Variants in EXOC6B observed in about 807,000 individuals in gnomAD.
EXOC6B encodes SEC15 homolog B.
In EXOC6B, 54 loss-of-function variants were observed where a neutral mutation model predicts 113.5. That is an observed-to-expected ratio of 0.48 (90% CI 0.38 to 0.60). The LOEUF (loss-of-function observed/expected upper bound fraction) is 0.60, where lower values mean the gene tolerates loss of function less well. Ranked by LOEUF, EXOC6B falls within the 20% of genes least tolerant of loss-of-function variation. The pLI, the probability that EXOC6B is intolerant of heterozygous loss-of-function variation, is 0.00. For synonymous variants in EXOC6B, 357 were observed against 339.0 expected, an observed-to-expected ratio of 1.05 and a Z score of -0.58; for missense variants, 797 against 977.5, an observed-to-expected ratio of 0.82 and a Z score of 2.46.
At chr2:72,379,373 T>C (rs911802325) in intron 19 of EXOC6B, among the ~76,000 whole-genome samples, 13 of 152,242 alleles carry the variant, frequency 8.5e-5, no homozygotes, top group African/African-American at 2.2e-4. Flanking sequence ...TAGCTAGTTT[T>C]TAAATAGAAT....
intron 20 of EXOC6B, among the ~76,000 whole-genome samples, chr2:72,191,926 G>A (rs41402): frequency 3.3e-5 from 5 of 152,020 alleles, no homozygotes; most frequent in African/African-American, 9.7e-5. Context: ...CAAACCATCC[G>A]GGGGGTACTT....
At chr2:72,584,102 G>A (rs1357134308) in intron 6 of EXOC6B, among the ~76,000 whole-genome samples, 1 of 151,798 alleles carries the variant, frequency 6.6e-6, no homozygotes, top group Non-Finnish European at 1.5e-5. Flanking sequence ...TTGCCCACAA[G>A]ACCCTATAAA....
chr2:72,415,546 C>A (rs1462555276), intron 18 of EXOC6B, among the ~76,000 whole-genome samples: 3 of 149,028 alleles, frequency 2.0e-5, no homozygotes, highest in African/African-American at 7.4e-5. Flanking sequence ...AGAGTGTACT[C>A]AATCACAAAC....
chr2:72,194,986 C>T (rs1679083564), intron 20 of EXOC6B, among the ~76,000 whole-genome samples: 2 of 152,198 alleles, frequency 1.3e-5, no homozygotes, highest in Non-Finnish European at 2.9e-5. Flanking sequence ...TGCAGCCCAG[C>T]TCCAGGTGGA....
chr2:72,437,805 C>A (rs931685998), intron 18 of EXOC6B, among the ~76,000 whole-genome samples: 5 of 152,084 alleles, frequency 3.3e-5, no homozygotes. Flanking sequence ...AGATTGTGCT[C>A]TTACATAGGT....
chr2:72,225,407 T>C (rs1397217315), intron 20 of EXOC6B, among the ~76,000 whole-genome samples: 2 of 152,208 alleles, frequency 1.3e-5, no homozygotes, highest in African/African-American at 4.8e-5. Flanking sequence ...ATTTTCATAT[T>C]TCTAGGTGAA....
At chr2:72,626,013 A>G (rs1672028704) in intron 6 of EXOC6B, among the ~76,000 whole-genome samples, 1 of 152,168 alleles carries the variant, frequency 6.6e-6, no homozygotes, top group South Asian at 2.1e-4. Flanking sequence ...TCAGAATTTA[A>G]CAGCAGCCCT....
intron 20 of EXOC6B, among the ~76,000 whole-genome samples, chr2:72,195,662 AG>A (rs1204837479): frequency 6.6e-6 from 1 of 152,206 alleles, no homozygotes; most frequent in Non-Finnish European, 1.5e-5. Context: ...GAGACCACAG[AG>A]TGAAGACAAT....
chr2:72,479,969 A>C (rs1020227733), intron 17 of EXOC6B, among the ~76,000 whole-genome samples: 1 of 152,148 alleles, frequency 6.6e-6, no homozygotes, highest in Non-Finnish European at 1.5e-5. Flanking sequence ...TTGAGAAGCC[A>C]AGGTGGGTGG....
rs150440531 is a variant in EXOC6B, at chr2:72,306,554, A to C, written c.2196+28393T>G. On this transcript the variant is annotated intron_variant, in intron 20 of 21. Transcript: ENST00000272427. ...CTGTTAGATATTTGTAATGTTTCTC[A>C]TATTTCTTTATTAAAAATAGTAACG... Among the ~76,000 whole-genome samples, 741 of 152,314 alleles carry C rather than the reference A, an allele frequency of 4.9e-3. 10 individuals carry two copies. The highest frequency in any genetic ancestry group is 0.016 in the African/African-American group (681 of 41,576).
chr2:72,764,015 G>A lies in EXOC6B; in HGVS notation c.114-22546C>T, dbSNP rs546980469. Among the ~76,000 whole-genome samples the A allele has an allele frequency of 3.9e-5, 6 of 152,172 alleles. 1 individual carries two copies. The highest frequency in any genetic ancestry group is 1.3e-4 in the Admixed American group (2 of 15,294). ...GATCACTTGAGCCCAGGAGGTCAAGGCTCCAGTGAGCTGTGATTGTACCCC... is the reference window on the plus strand; with the variant it reads ...GATCACTTGAGCCCAGGAGGTCAAGACTCCAGTGAGCTGTGATTGTACCCC... On this transcript the variant is annotated intron_variant, in intron 1 of 21. Coordinates refer to ENST00000272427, the MANE Select transcript of EXOC6B (RefSeq NM_015189.3).
intron 16 of EXOC6B, among the ~76,000 whole-genome samples, chr2:72,490,015 A>G (rs1305312427): frequency 6.6e-6 from 1 of 152,188 alleles, no homozygotes; most frequent in Non-Finnish European, 1.5e-5. Context: ...ACATTTGTCT[A>G]TAGGAACTTC....
At chr2:72,223,254 A>G (rs1469778677) in intron 20 of EXOC6B, among the ~76,000 whole-genome samples, 1 of 152,232 alleles carries the variant, frequency 6.6e-6, no homozygotes, top group African/African-American at 2.4e-5. Context: ...AACAAAACAC[A>G]AAGACTCATT....
At chr2:72,186,109 T>C (rs999158327) in intron 20 of EXOC6B, among the ~76,000 whole-genome samples, 1 of 152,210 alleles carries the variant, frequency 6.6e-6, no homozygotes, top group African/African-American at 2.4e-5. Context: ...TATTCCATGG[T>C]GTATATGTGC....
At chr2:72,782,769 A>G (rs545135229) in intron 1 of EXOC6B, among the ~76,000 whole-genome samples, 1 of 152,158 alleles carries the variant, frequency 6.6e-6, no homozygotes, top group African/African-American at 2.4e-5. Context: ...GAGTGACAAC[A>G]TGTGGTATTT....
At chr2:72,604,291 C>A (rs994588116) in intron 6 of EXOC6B, among the ~76,000 whole-genome samples, 1 of 152,104 alleles carries the variant, frequency 6.6e-6, no homozygotes, top group Non-Finnish European at 1.5e-5. Flanking sequence ...AATAAAAAAA[C>A]CCTGTGAGTA....
At chr2:72,618,318 G>A (rs554264528) in intron 6 of EXOC6B, among the ~76,000 whole-genome samples, 20 of 152,126 alleles carry the variant, frequency 1.3e-4, no homozygotes, top group Middle Eastern at 6.8e-3. Context: ...GCAGTAAGCC[G>A]AAATCGCACC....
At chr2:72,443,077 A>G (rs1001842657) in intron 18 of EXOC6B, among the ~76,000 whole-genome samples, 3 of 152,140 alleles carry the variant, frequency 2.0e-5, no homozygotes, top group Non-Finnish European at 2.9e-5. Context: ...CTGTAATCCC[A>G]GCACTTTGGG....
intron 6 of EXOC6B, among the ~76,000 whole-genome samples, chr2:72,664,767 C>T (rs1241240964): frequency 6.6e-6 from 1 of 152,214 alleles, no homozygotes; most frequent in African/African-American, 2.4e-5. Flanking sequence ...TTTGGCTTCT[C>T]CCATAGGAGT....
Sources: allele counts gnomAD v4.1 joint callset (sites outside exome capture counted in the v4.1 genomes callset), GRCh38; gene constraint gnomAD v4.1.1; transcripts MANE v1.5; gene names NCBI Gene and HGNC (gene_info 2026-07-23, HGNC 2026-07-21).